Variants in CD9 observed in about 807,000 individuals in gnomAD.
The protein encoded by CD9 is CD9 antigen.
In CD9, 10 loss-of-function variants were observed where a neutral mutation model predicts 31.4. The ratio of observed to expected loss-of-function variants is 0.32; its 90% CI spans 0.20 to 0.54. CD9 has a LOEUF of 0.54. CD9 is among the 20% of genes least tolerant of loss of function. The pLI is 0.94. For missense variants in CD9, 259 were observed against 300.1 expected (o/e 0.86, Z 1.01); for synonymous variants, 113 against 114.1 (o/e 0.99, Z 0.06).
rs5796224 is a variant in CD9 at position 6,228,558 on chromosome 12, CAAAA to C, written c.175+3044_175+3047del. Among the ~76,000 whole-genome samples, 93 of 68,344 alleles carry C rather than the reference CAAAA, an allele frequency of 1.4e-3. 3 individuals are homozygous for C. In the South Asian group the frequency reaches 0.05, roughly 37 times the overall value. The allele number at this position is 68,344 out of a possible 152,430, so 44.8% of individuals were successfully genotyped here. On this transcript the variant is annotated intron_variant, in intron 2 of 7. Coordinates refer to ENST00000009180, the MANE Select transcript of CD9 (RefSeq NM_001769.4). Reference sequence around the variant, plus strand: ...TGGGAGACAGAGCGGGACTCCATCTCAAAAAAAAAAAAAAAAAAAAAAACAGCAG... The same window carrying C: ...TGGGAGACAGAGCGGGACTCCATCTCAAAAAAAAAAAAAAAAAAACAGCAG...
intron 3 of CD9, chr12:6,233,091 C>G: frequency 1.4e-6 from 1 of 701,364 alleles, no homozygotes; most frequent in Non-Finnish European, 2.6e-6. Flanking sequence ...TTTACTTGCC[C>G]AAATCTCTTG....
intron 1 of CD9, among the ~76,000 whole-genome samples, chr12:6,222,783 G>A (rs899128170): frequency 3.9e-5 from 6 of 152,336 alleles, no homozygotes; most frequent in South Asian, 4.1e-4. Context: ...TTATCTGAGC[G>A]TGGAACATTC....
Position 6,238,022 on chromosome 12 carries a change from G to C in CD9, c.*194G>C. 1 of 494,492 alleles carries C rather than the reference G, an allele frequency of 2.0e-6. No individual in the cohort carries two copies. The highest frequency in any genetic ancestry group is 3.7e-5 in the Admixed American group (1 of 26,744). 30.6% of individuals were successfully genotyped at this position (494,492 alleles called of 1,614,324 possible). A position where few individuals can be genotyped will look rare whatever the true frequency, so the allele number is the denominator to read the frequency against. ...AATGCTTCATTCAATATTGACATTT[G>C]TAGTTGAGCGGGGGGTTTGGTTTGC... On this transcript the variant is annotated 3_prime_UTR_variant, in exon 8 of 8. Coordinates refer to ENST00000009180, the MANE Select transcript of CD9 (RefSeq NM_001769.4).
chr12:6,230,490 C>T (rs866268807), intron 2 of CD9, among the ~76,000 whole-genome samples: 3 of 152,252 alleles, frequency 2.0e-5, no homozygotes, highest in Non-Finnish European at 2.9e-5. Flanking sequence ...TCTGCCTGTT[C>T]GTTCCCACTC....
rs576199075 is a variant in CD9, at chr12:6,207,947, A to G, written c.66+7382A>G. ...TGCTAGAAAAGTAACCCTTCAGGCC[A>G]GGCGCGGTGGCTCACGCCTATAATC... is the stretch of plus-strand genomic sequence containing the variant. On this transcript the variant is annotated intron_variant, in intron 1 of 7. Transcript: ENST00000009180. Among the ~76,000 whole-genome samples, 85 of 152,286 alleles carry G rather than the reference A, an allele frequency of 5.6e-4. 1 individual carries two copies. The highest frequency in any genetic ancestry group is 2.6e-4 in the Non-Finnish European group (18 of 68,022).
At chr12:6,200,757 C>T (rs1385525911) in intron 1 of CD9, 192 bp downstream of exon 1, 2 of 470,906 alleles carry the variant, frequency 4.2e-6, no homozygotes, top group Non-Finnish European at 7.5e-6. Context: ...ACGGCCGCGA[C>T]GGGCGCATTC....
chr12:6,230,419 C>T (rs1215706780), intron 2 of CD9, among the ~76,000 whole-genome samples: 1 of 152,246 alleles, frequency 6.6e-6, no homozygotes, highest in Admixed American at 6.5e-5. Context: ...AATCCAATTC[C>T]CTTGGCCTCT....
intron 2 of CD9, among the ~76,000 whole-genome samples, chr12:6,231,959 TTAGGGCCAAAAGA>T (rs2136635070): frequency 6.6e-6 from 1 of 152,312 alleles, no homozygotes; most frequent in South Asian, 2.1e-4. Context: ...AGCATCAGTG[TTAGGGCCAAAAGA>T]AGGGTCTTCT....
At chr12:6,225,388 C>A (rs1370629129) in intron 1 of CD9, 38 bp from the exon 2 acceptor site, 3 of 1,385,130 alleles carry the variant, frequency 2.2e-6, no homozygotes, top group Non-Finnish European at 3.1e-6. Flanking sequence ...TTGTTGCTGG[C>A]AGCCAGAATT....
At chr12:6,212,881 A>G (rs1206688800) in intron 1 of CD9, among the ~76,000 whole-genome samples, 2 of 152,122 alleles carry the variant, frequency 1.3e-5, no homozygotes, top group African/African-American at 4.8e-5. Flanking sequence ...CTTATGGTAT[A>G]AAAGAGTGAC....
chr12:6,200,536 C>T lies in CD9; in HGVS notation c.37C>T (p.Leu13=), dbSNP rs368850065. The change falls in exon 1 of 8, where the codon CTG becomes TTG. Residue 13 remains leucine, a synonymous_variant. Coordinates refer to ENST00000009180, the MANE Select transcript of CD9 (RefSeq NM_001769.4). The stretch of plus-strand genomic sequence containing the variant: ...AGGAGGCACCAAGTGCATCAAATAC[C>T]TGCTGTTCGGATTTAACTTCATCTT... ...VKGGTKCIKY[L]LFGFNFIFWL... is the part of the protein sequence containing the mutation. The T allele has an allele frequency of 6.2e-7, 1 of 1,611,058 alleles. No individual in the cohort carries two copies. Among genetic ancestry groups the T allele is most frequent in the Non-Finnish European group, 8.5e-7 (1 of 1,178,000 alleles).
chr12:6,229,075 C>T (rs1177482161), intron 2 of CD9, among the ~76,000 whole-genome samples: 1 of 152,256 alleles, frequency 6.6e-6, no homozygotes, highest in Non-Finnish European at 1.5e-5. Context: ...CAATCCAGGC[C>T]TGGAGATTCA....
At chr12:6,220,526 A>T (rs1008438104) in intron 1 of CD9, among the ~76,000 whole-genome samples, 1 of 152,182 alleles carries the variant, frequency 6.6e-6, no homozygotes. Context: ...GGTTGAAGAA[A>T]AAAAGGGTTC....
intron 1 of CD9, among the ~76,000 whole-genome samples, chr12:6,213,857 C>T (rs1946216785): frequency 6.6e-6 from 1 of 152,186 alleles, no homozygotes. Flanking sequence ...TCTTGGCCCC[C>T]ACCAGGGCTA....
Position 6,233,409 on chromosome 12 carries a change from C to T in CD9, c.274-3C>T, listed in dbSNP as rs778279601. 1 of 1,613,486 alleles carries T rather than the reference C, an allele frequency of 6.2e-7. No homozygotes were observed. The highest frequency in any genetic ancestry group is 1.1e-5 in the South Asian group (1 of 91,068). On this transcript the variant is annotated splice_polypyrimidine_tract_variant and splice_region_variant and intron_variant, in intron 3 of 7. Coordinates refer to ENST00000009180, the MANE Select transcript of CD9 (RefSeq NM_001769.4). Reference sequence around the variant, plus strand: ...CTCACCCCGTCCCCTCGTTGCCTTCCAGTTCTTCGGCTTCCTCTTGGTGAT... The same window carrying T: ...CTCACCCCGTCCCCTCGTTGCCTTCTAGTTCTTCGGCTTCCTCTTGGTGAT...
At chr12:6,231,952 A>G (rs541033405) in intron 2 of CD9, among the ~76,000 whole-genome samples, 4 of 152,332 alleles carry the variant, frequency 2.6e-5, no homozygotes, top group African/African-American at 9.6e-5. Context: ...AGCAATTAGC[A>G]TCAGTGTTAG....
At chr12:6,203,974 G>C (rs747227937) in intron 1 of CD9, among the ~76,000 whole-genome samples, 1 of 152,154 alleles carries the variant, frequency 6.6e-6, no homozygotes, top group Non-Finnish European at 1.5e-5. Flanking sequence ...GGAAACAGCA[G>C]TGTGGGGCTG....
Position 6,233,947 on chromosome 12 carries a change from G to A in CD9, c.348+461G>A, listed in dbSNP as rs574641892. On this transcript the variant is annotated intron_variant, in intron 4 of 7. Coordinates refer to ENST00000009180, the MANE Select transcript of CD9 (RefSeq NM_001769.4). ...GGGTCCACAGATGTTTGAACTATGG[G>A]CCCCACATCCGGAGACTTGGCCATC... 1.2e-4 allele frequency among the ~76,000 whole-genome samples: 18 copies of A among 148,742 alleles called. No homozygotes were observed. The South Asian group carries it at 4.0e-3, about 33-fold the overall frequency.
At chr12:6,230,272 C>T (rs1484732988) in intron 2 of CD9, among the ~76,000 whole-genome samples, 6 of 152,200 alleles carry the variant, frequency 3.9e-5, no homozygotes, top group African/African-American at 1.4e-4. Context: ...ATTTAAAGCC[C>T]ACAAAACCCG....
Sources: gnomAD v4.1 joint callset for allele counts (sites outside exome capture counted in the v4.1 genomes callset) on GRCh38, gnomAD v4.1.1 for gene constraint, MANE v1.5 for transcripts, NCBI Gene and HGNC (gene_info 2026-07-23, HGNC 2026-07-21) for gene names.